Variants in GPC5 observed in about 807,000 individuals in gnomAD.
GPC5 encodes glypican-5.
GPC5 carries 47 observed loss-of-function variants against 53.9 expected under a neutral mutation model. That is an observed-to-expected ratio of 0.87 (90% CI 0.69 to 1.11). The LOEUF is 1.11. GPC5 is among the 50% of genes most tolerant of loss of function. GPC5 has a pLI of 0.00. For missense variants in GPC5, 748 were observed against 713.1 expected (o/e 1.05, Z -0.56); for synonymous variants, 286 against 263.3 (o/e 1.09, Z -0.84).
At chr13:91,932,949 A>G (rs1291902468) in intron 6 of GPC5, among the ~76,000 whole-genome samples, 1 of 151,936 alleles carries the variant, frequency 6.6e-6, no homozygotes, top group Non-Finnish European at 1.5e-5. Context: ...AGTTCATAAA[A>G]TCTAGGTTAA....
At chr13:92,809,846 A>G (rs1479009595) in intron 7 of GPC5, among the ~76,000 whole-genome samples, 1 of 152,074 alleles carries the variant, frequency 6.6e-6, no homozygotes, top group Non-Finnish European at 1.5e-5. Context: ...AGTACAGTTT[A>G]ATACTTAAAC....
At chr13:92,484,364 T>A (rs1220924786) in intron 7 of GPC5, among the ~76,000 whole-genome samples, 1 of 152,188 alleles carries the variant, frequency 6.6e-6, no homozygotes, top group Non-Finnish European at 1.5e-5. Context: ...GAGTATACTC[T>A]AAAATAACTA....
At chr13:92,176,225 G>C (rs2042108461) in intron 7 of GPC5, among the ~76,000 whole-genome samples, 1 of 151,958 alleles carries the variant, frequency 6.6e-6, no homozygotes, top group Admixed American at 6.6e-5. Flanking sequence ...CTCAGATGAT[G>C]ATGGCACTGC....
At chr13:92,487,524 C>G (rs80063849) in intron 7 of GPC5, among the ~76,000 whole-genome samples, 8 of 152,072 alleles carry the variant, frequency 5.3e-5, no homozygotes, top group African/African-American at 1.9e-4. Context: ...CAGATTGACT[C>G]CTTCTCCTAC....
chr13:92,443,974 C>T (rs2139389468), intron 7 of GPC5, among the ~76,000 whole-genome samples: 1 of 152,270 alleles, frequency 6.6e-6, no homozygotes, highest in African/African-American at 2.4e-5. Context: ...CAGTCATGCT[C>T]AGCTGCTACA....
intron 7 of GPC5, among the ~76,000 whole-genome samples, chr13:92,175,972 A>G (rs992193788): frequency 6.6e-6 from 1 of 152,160 alleles, no homozygotes; most frequent in Admixed American, 6.5e-5. Context: ...GTGACTCTGT[A>G]TGTTTGTTTC....
intron 1 of GPC5, among the ~76,000 whole-genome samples, chr13:91,439,300 C>T (rs768814379): frequency 6.6e-6 from 1 of 152,200 alleles, no homozygotes; most frequent in Non-Finnish European, 1.5e-5. Flanking sequence ...AGGAATGCTG[C>T]TAAGCATCTT....
chr13:92,771,338 C>A (rs866234322), intron 7 of GPC5, among the ~76,000 whole-genome samples: 26 of 152,040 alleles, frequency 1.7e-4, no homozygotes, highest in African/African-American at 5.3e-4. Context: ...AAAGATCTTC[C>A]TTTATTATCC....
intron 7 of GPC5, among the ~76,000 whole-genome samples, chr13:92,794,919 C>T (rs1225700568): frequency 8.6e-5 from 13 of 151,876 alleles, no homozygotes; most frequent in Non-Finnish European, 1.3e-4. Context: ...TACATGCTCA[C>T]GTATATGAAG....
intron 7 of GPC5, among the ~76,000 whole-genome samples, chr13:92,476,648 T>C (rs1167182191): frequency 3.4e-5 from 5 of 148,940 alleles, no homozygotes; most frequent in East Asian, 2.0e-4. Context: ...CCAACCCAAA[T>C]GTCCAACAAT....
intron 7 of GPC5, among the ~76,000 whole-genome samples, chr13:92,159,590 G>GTTTTT (rs2041971034): frequency 1.6e-5 from 1 of 61,594 alleles, no homozygotes; most frequent in African/African-American, 5.4e-5. Context: ...TAATACCAAT[G>GTTTTT]TTCTTTTTTT....
chr13:92,292,865 G>A (rs537778945), intron 7 of GPC5, among the ~76,000 whole-genome samples: 124 of 152,218 alleles, frequency 8.1e-4, no homozygotes, highest in Middle Eastern at 3.4e-3. Flanking sequence ...TGAGAATCCA[G>A]TTTCATTCTC....
At chr13:92,523,456 T>G (rs1294052308) in intron 7 of GPC5, among the ~76,000 whole-genome samples, 2 of 152,152 alleles carry the variant, frequency 1.3e-5, no homozygotes, top group African/African-American at 4.8e-5. Context: ...TAATTTTTAA[T>G]GAATATTTAG....
At chr13:91,595,632 T>G (rs1189862026) in intron 2 of GPC5, among the ~76,000 whole-genome samples, 1 of 152,220 alleles carries the variant, frequency 6.6e-6, no homozygotes, top group Non-Finnish European at 1.5e-5. Context: ...TCCTGTACTA[T>G]CTGAACTTCC....
At chr13:91,990,319 C>G (rs1320697647) in intron 6 of GPC5, among the ~76,000 whole-genome samples, 4 of 151,920 alleles carry the variant, frequency 2.6e-5, no homozygotes, top group African/African-American at 9.7e-5. Context: ...TGAAACAACC[C>G]AAAGATTCTC....
chr13:92,751,537 A>C (rs1889398665), intron 7 of GPC5, among the ~76,000 whole-genome samples: 1 of 143,828 alleles, frequency 7.0e-6, no homozygotes, highest in Admixed American at 7.1e-5. Flanking sequence ...TTTCGGTAAC[A>C]CATGAGTCTT....
At chr13:91,403,576 T>G (rs1471850654) in intron 1 of GPC5, among the ~76,000 whole-genome samples, 2 of 152,242 alleles carry the variant, frequency 1.3e-5, no homozygotes, top group African/African-American at 2.4e-5. Flanking sequence ...CTCATCCTTT[T>G]ATACCACAGG....
At chr13:91,640,688 A>G (rs1261261606) in intron 2 of GPC5, among the ~76,000 whole-genome samples, 2 of 152,106 alleles carry the variant, frequency 1.3e-5, no homozygotes, top group South Asian at 2.1e-4. Flanking sequence ...AATCCCAGCT[A>G]CTCAGGAGTC....
At chr13:92,232,615 A>C (rs556140293) in intron 7 of GPC5, among the ~76,000 whole-genome samples, 1 of 152,316 alleles carries the variant, frequency 6.6e-6, no homozygotes, top group East Asian at 1.9e-4. Context: ...CTCTAAAAGA[A>C]AGTGTTGAAC....
Sources: gnomAD v4.1 joint callset for allele counts (sites outside exome capture counted in the v4.1 genomes callset) on GRCh38, gnomAD v4.1.1 for gene constraint, MANE v1.5 for transcripts, NCBI Gene and HGNC (gene_info 2026-07-23, HGNC 2026-07-21) for gene names.